The following RC3H1 variants were observed in gnomAD, a reference collection of about 807,000 sequenced individuals.
RC3H1 encodes ring finger and CCCH-type domains 1.
In RC3H1, 50 loss-of-function variants were observed where a neutral mutation model predicts 138.2. The ratio of observed to expected loss-of-function variants is 0.36; its 90% confidence interval spans 0.29 to 0.46. The LOEUF (loss-of-function observed/expected upper bound fraction) is 0.46. Ranked by LOEUF, RC3H1 falls within the 20% of genes least tolerant of loss-of-function variation. The pLI is 1.00. For missense variants in RC3H1, 1,031 were observed against 1,388.1 expected (o/e 0.74, Z 4.09); for synonymous variants, 462 against 489.1 (o/e 0.94, Z 0.73).
At chr1:173,980,726 T>C in intron 6 of RC3H1, 83 bp downstream of exon 6, 4 of 965,614 alleles carry the variant, frequency 4.1e-6, no homozygotes, top group Non-Finnish European at 4.8e-6. Flanking sequence ...AGCTATACAG[T>C]ATTCACTTTA....
intron 1 of RC3H1, among the ~76,000 whole-genome samples, chr1:174,019,802 A>C (rs1661924972): frequency 6.6e-6 from 1 of 152,168 alleles, no homozygotes; most frequent in South Asian, 2.1e-4. Flanking sequence ...CACAAAATAA[A>C]TAAAAACAAT....
At chr1:173,984,432 A>G (rs1300977283) in intron 3 of RC3H1, 67 bp downstream of exon 3, 30 of 1,461,336 alleles carry the variant, frequency 2.1e-5, no homozygotes, top group Non-Finnish European at 2.8e-5. Context: ...GGACTTATAT[A>G]GGATTATGTA....
At chr1:173,982,488 T>C (rs1288504568) in intron 5 of RC3H1, among the ~76,000 whole-genome samples, 1 of 152,170 alleles carries the variant, frequency 6.6e-6, no homozygotes, top group East Asian at 1.9e-4. Context: ...TCTCTTCAAA[T>C]ACAAAAATCT....
intron 14 of RC3H1, among the ~76,000 whole-genome samples, chr1:173,948,754 T>G (rs1316628828): frequency 6.6e-6 from 1 of 151,978 alleles, no homozygotes; most frequent in East Asian, 1.9e-4. Flanking sequence ...CCTGGCTAAT[T>G]AAAAAAATTT....
chr1:173,971,512 A>G (rs1660360461), intron 8 of RC3H1, among the ~76,000 whole-genome samples: 1 of 152,214 alleles, frequency 6.6e-6, no homozygotes, highest in Admixed American at 6.5e-5. Flanking sequence ...CTTATTATTT[A>G]TAACTCAAGG....
intron 2 of RC3H1, among the ~76,000 whole-genome samples, chr1:173,991,599 G>T (rs1661288567): frequency 6.6e-6 from 1 of 152,078 alleles, no homozygotes; most frequent in African/African-American, 2.4e-5. Context: ...GTTAGCTGTG[G>T]GTTTTTCATC....
chr1:173,963,893 G>C, intron 11 of RC3H1, 80 bp downstream of exon 11: 1 of 1,141,804 alleles, frequency 8.8e-7, no homozygotes, highest in Non-Finnish European at 1.3e-6. Context: ...AGAGGCTACT[G>C]TGTAAATGAT....
intron 9 of RC3H1, among the ~76,000 whole-genome samples, chr1:173,969,126 G>C (rs1392895652): frequency 6.6e-6 from 1 of 151,794 alleles, no homozygotes. Context: ...CAAAGTGCTG[G>C]GAGCCACCGG....
chr1:173,952,150 G>GAAA lies in RC3H1; in HGVS notation c.2371-15_2371-13dup. ...TCTTCATCCAAAAACTACAGATGGA[G>GAAA]AAAGAAAAAAAACAAAAAAAAAAAA... On this transcript the variant is annotated splice_polypyrimidine_tract_variant and intron_variant, in intron 13 of 19. Transcript: ENST00000367696. The GAAA allele has an allele frequency of 8.6e-7, 1 of 1,156,702 alleles. No individual in the cohort carries two copies. The highest frequency in any genetic ancestry group is 1.1e-6 in the Non-Finnish European group (1 of 928,096). 71.7% of individuals were successfully genotyped at this position (1,156,702 alleles called of 1,614,324 possible).
At chr1:174,020,819 G>A (rs1661943605) in intron 1 of RC3H1, among the ~76,000 whole-genome samples, 1 of 152,108 alleles carries the variant, frequency 6.6e-6, no homozygotes, top group Non-Finnish European at 1.5e-5. Context: ...GACCAGCCTG[G>A]CCAACATGGT....
intron 9 of RC3H1, 51 bp from the exon 10 acceptor site, chr1:173,965,171 C>A (rs771117290): frequency 2.2e-5 from 33 of 1,484,494 alleles, no homozygotes; most frequent in Admixed American, 4.3e-5. Context: ...AAAGCAAAAC[C>A]AAGAACTAAA....
intron 13 of RC3H1, among the ~76,000 whole-genome samples, chr1:173,953,804 C>T (rs540284350): frequency 4.6e-5 from 7 of 151,990 alleles, no homozygotes; most frequent in South Asian, 2.1e-4. Context: ...TTTGGGAGGT[C>T]GAGGCGGGCA....
intron 19 of RC3H1, among the ~76,000 whole-genome samples, chr1:173,939,668 C>T (rs1274608839): frequency 6.6e-6 from 1 of 151,300 alleles, no homozygotes; most frequent in Non-Finnish European, 1.5e-5. Flanking sequence ...AACCCCGTCT[C>T]TATTAAAAAT....
rs191071630 is a variant in RC3H1, at chr1:174,007,317, G to A, written c.-150-14182C>T. Among the ~76,000 whole-genome samples the A allele has an allele frequency of 2.9e-3, 438 of 151,792 alleles. 2 individuals carry two copies. The highest frequency in any genetic ancestry group is 5.4e-3 in the Admixed American group (83 of 15,254). ...AGGCAGGAGAATGGCGTGAACCCGG[G>A]AGGCGGAGCTTGCAGTGAGCCGAGA... On this transcript the variant is annotated intron_variant, in intron 1 of 19. Coordinates refer to ENST00000367696, the MANE Select transcript of RC3H1 (RefSeq NM_172071.4).
intron 1 of RC3H1, among the ~76,000 whole-genome samples, chr1:174,003,151 G>C (rs147450423): frequency 9.2e-5 from 14 of 152,248 alleles, no homozygotes; most frequent in South Asian, 6.2e-4. Flanking sequence ...ACTTTGGGAG[G>C]CTGAAGTGGA....
chr1:174,017,471 T>G (rs192185556), intron 1 of RC3H1, among the ~76,000 whole-genome samples: 18 of 152,312 alleles, frequency 1.2e-4, no homozygotes, highest in South Asian at 6.2e-4. Context: ...CAAAGTTTTT[T>G]CTGCAATTTC....
chr1:174,002,952 C>G (rs1037954925), intron 1 of RC3H1, among the ~76,000 whole-genome samples: 1 of 152,144 alleles, frequency 6.6e-6, no homozygotes, highest in Non-Finnish European at 1.5e-5. Flanking sequence ...TTCCAAATCT[C>G]TCTCTCAAGT....
At position 173,993,065 on chromosome 1, in the gene RC3H1, A is replaced by G. The variant is rs1158311185; in HGVS notation, c.-80T>C. On this transcript the variant is annotated 5_prime_UTR_variant, in exon 2 of 20. Transcript: ENST00000367696. ...GATTCCACTGGAATCAAAATCTTTGAAAAAAAGTTTATCTTTTTTTTTTTT... is the reference window on the plus strand; with the variant it reads ...GATTCCACTGGAATCAAAATCTTTGGAAAAAAGTTTATCTTTTTTTTTTTT... 2 of 1,065,502 alleles carry G rather than the reference A, an allele frequency of 1.9e-6. No homozygotes were observed. Among genetic ancestry groups the G allele is most frequent in the Admixed American group, 4.5e-5 (2 of 44,778 alleles). The allele number at this position is 1,065,502 out of a possible 1,614,324, so 66.0% of individuals were successfully genotyped here. A position where few individuals can be genotyped will look rare whatever the true frequency, so the allele number is the denominator to read the frequency against.
In RC3H1 at chr1:173,931,287, T is replaced by C. The variant is rs943814492; in HGVS notation, c.*7434A>G. On this transcript the variant is annotated 3_prime_UTR_variant, in exon 20 of 20. Transcript: ENST00000367696. ...AAGACCTTGTAGACATTTTCATATA[T>C]TTACAATCCAAAAGGTGAATCACCT... 1 of 152,232 alleles carries C rather than the reference T, an allele frequency of 6.6e-6. No homozygotes were observed. The highest frequency in any genetic ancestry group is 1.5e-5 in the Non-Finnish European group (1 of 68,046). The allele number at this position is 152,232 out of a possible 1,614,324, so 9.4% of individuals were successfully genotyped here.
Sources: gnomAD v4.1 joint callset for allele counts (sites outside exome capture counted in the v4.1 genomes callset) on GRCh38, gnomAD v4.1.1 for gene constraint, MANE v1.5 for transcripts, NCBI Gene and HGNC (gene_info 2026-07-23, HGNC 2026-07-21) for gene names.